Variants in LRRTM4 observed in about 807,000 individuals in gnomAD.
The protein encoded by LRRTM4 is leucine rich repeat transmembrane neuronal 4, also known as leucine-rich repeat transmembrane neuronal protein 4.
A neutral mutation model predicts 47.6 loss-of-function variants in LRRTM4; 25 were observed. The ratio of observed to expected loss-of-function variants is 0.53; its 90% confidence interval spans 0.38 to 0.73. The LOEUF is 0.73. LRRTM4 is among the 30% of genes least tolerant of loss of function. The pLI is 0.00. For missense variants in LRRTM4, 638 were observed against 713.4 expected, an observed-to-expected ratio of 0.89 and a Z score of 1.20; for synonymous variants, 311 against 269.5, an observed-to-expected ratio of 1.15 and a Z score of -1.51.
intron 3 of LRRTM4, among the ~76,000 whole-genome samples, chr2:77,395,140 T>G (rs960321558): frequency 1.3e-5 from 2 of 151,906 alleles, no homozygotes; most frequent in African/African-American, 4.8e-5. Flanking sequence ...TCTATCAGTC[T>G]TATGATCTCT....
intron 3 of LRRTM4, among the ~76,000 whole-genome samples, chr2:76,960,969 AATTT>A (rs1239065589): frequency 6.6e-6 from 1 of 151,558 alleles, no homozygotes; most frequent in Non-Finnish European, 1.5e-5. Context: ...ACTACAAGAT[AATTT>A]ATTTTTTCAA....
chr2:77,432,939 T>C (rs1356541208), intron 3 of LRRTM4, among the ~76,000 whole-genome samples: 1 of 152,228 alleles, frequency 6.6e-6, no homozygotes, highest in East Asian at 1.9e-4. Context: ...CAAGGCATTC[T>C]CCAAACTGTC....
chr2:77,131,819 G>A (rs552922726), intron 3 of LRRTM4, among the ~76,000 whole-genome samples: 1 of 152,238 alleles, frequency 6.6e-6, no homozygotes, highest in South Asian at 2.1e-4. Flanking sequence ...GTCTTACTCT[G>A]TTTGAGCTGC....
At chr2:76,991,454 A>C (rs2103993638) in intron 3 of LRRTM4, among the ~76,000 whole-genome samples, 1 of 151,852 alleles carries the variant, frequency 6.6e-6, no homozygotes. Flanking sequence ...AGGTGACATT[A>C]CAACTTATGT....
In LRRTM4 at chr2:77,261,314, C is replaced by T. The variant is rs373871497; in HGVS notation, c.1551+257004G>A. On this transcript the variant is annotated intron_variant, in intron 3 of 3. Transcript: ENST00000409884. The stretch of plus-strand genomic sequence containing the variant: ...TTCCCAGTCCTCTCACAGCTAGACA[C>T]GGTCATATATGCTCTAGTCAATGGG... Among the ~76,000 whole-genome samples, 37 of 152,204 alleles carry T rather than the reference C, an allele frequency of 2.4e-4. 1 individual carries two copies. The highest frequency in any genetic ancestry group is 5.8e-4 in the African/African-American group (24 of 41,562).
chr2:76,790,322 T>A (rs1246689616), intron 3 of LRRTM4, among the ~76,000 whole-genome samples: 2 of 152,164 alleles, frequency 1.3e-5, no homozygotes, highest in Non-Finnish European at 2.9e-5. Flanking sequence ...CTGAGGGATT[T>A]TTTTTTGCCT....
chr2:76,941,244 T>G (rs1042806765), intron 3 of LRRTM4, among the ~76,000 whole-genome samples: 1 of 152,182 alleles, frequency 6.6e-6, no homozygotes, highest in East Asian at 1.9e-4. Context: ...CATATTATAT[T>G]TTATATATTG....
Position 76,748,465 on chromosome 2 carries a change from TTA to T in LRRTM4, c.*228_*229del. The T allele has an allele frequency of 1.8e-6, 1 of 555,486 alleles. No homozygotes were observed. The allele number at this position is 555,486 out of a possible 1,614,324, so 34.4% of individuals were successfully genotyped here. ...ACATCCGGGAGCATTTTTGTTTGTT[TTA>T]TGTTTTAAAGCAAAGAAAGTTCTGC... On this transcript the variant is annotated 3_prime_UTR_variant, in exon 4 of 4. Coordinates refer to ENST00000409884, the MANE Select transcript of LRRTM4 (RefSeq NM_001134745.3).
chr2:77,171,261 G>A (rs1194342693), intron 3 of LRRTM4, among the ~76,000 whole-genome samples: 2 of 151,670 alleles, frequency 1.3e-5, no homozygotes, highest in Admixed American at 6.6e-5. Context: ...TTTTTCTGTT[G>A]TTGTTTGTTT....
At chr2:77,293,708 AT>A (rs1304994310) in intron 3 of LRRTM4, among the ~76,000 whole-genome samples, 1 of 152,108 alleles carries the variant, frequency 6.6e-6, no homozygotes, top group Admixed American at 6.6e-5. Context: ...GAGGAATATA[AT>A]TTTCAATCCC....
At chr2:77,035,051 T>A (rs1279891826) in intron 3 of LRRTM4, among the ~76,000 whole-genome samples, 1 of 151,444 alleles carries the variant, frequency 6.6e-6, no homozygotes, top group African/African-American at 2.4e-5. Context: ...ATTTTTATTA[T>A]TTTTTTTCTT....
At chr2:76,956,915 A>G (rs1675693574) in intron 3 of LRRTM4, among the ~76,000 whole-genome samples, 1 of 151,550 alleles carries the variant, frequency 6.6e-6, no homozygotes, top group South Asian at 2.1e-4. Context: ...CAGACTTATA[A>G]CTAGTAAGAA....
intron 3 of LRRTM4, among the ~76,000 whole-genome samples, chr2:77,423,241 A>T (rs1674973508): frequency 6.6e-6 from 1 of 152,152 alleles, no homozygotes; most frequent in Non-Finnish European, 1.5e-5. Flanking sequence ...ATACTGAAAT[A>T]AATACTTTTT....
At chr2:76,946,933 G>A (rs1277258840) in intron 3 of LRRTM4, among the ~76,000 whole-genome samples, 1 of 151,896 alleles carries the variant, frequency 6.6e-6, no homozygotes, top group Non-Finnish European at 1.5e-5. Context: ...CAGCTGGACA[G>A]AAGGAAGAAA....
At chr2:76,960,130 A>C (rs1675805777) in intron 3 of LRRTM4, among the ~76,000 whole-genome samples, 1 of 151,666 alleles carries the variant, frequency 6.6e-6, no homozygotes, top group Non-Finnish European at 1.5e-5. Context: ...CCATCATCCT[A>C]ATTACCAAAC....
rs1673830097 is a variant in LRRTM4, at chr2:77,196,484, A to G, written c.1551+321834T>C. 3.9e-5 allele frequency among the ~76,000 whole-genome samples: 6 copies of G among 152,134 alleles called. No individual in the cohort carries two copies. The South Asian group carries it at 1.2e-3, about 32-fold the overall frequency. ...CACCATGGCTCATGCCTGTAATCCC[A>G]TGTAATCCCAGCACTGTGGGAGGTG... is the stretch of plus-strand genomic sequence containing the variant. On this transcript the variant is annotated intron_variant, in intron 3 of 3. Transcript: ENST00000409884.
intron 3 of LRRTM4, among the ~76,000 whole-genome samples, chr2:77,215,132 T>C (rs1674400654): frequency 6.6e-6 from 1 of 152,194 alleles, no homozygotes; most frequent in Non-Finnish European, 1.5e-5. Context: ...ATTTTAAGAA[T>C]AATCTTTCTT....
intron 3 of LRRTM4, among the ~76,000 whole-genome samples, chr2:77,135,042 T>C (rs900297864): frequency 2.6e-5 from 4 of 152,244 alleles, no homozygotes; most frequent in East Asian, 3.9e-4. Flanking sequence ...AAATCATGAA[T>C]TGACTCTGAA....
intron 3 of LRRTM4, among the ~76,000 whole-genome samples, chr2:77,299,504 CAGA>C (rs1677070127): frequency 1.3e-5 from 2 of 152,000 alleles, no homozygotes; most frequent in African/African-American, 4.8e-5. Flanking sequence ...AAATAATTCC[CAGA>C]AGATTTCTGA....
Sources: gnomAD v4.1 joint callset for allele counts (sites outside exome capture counted in the v4.1 genomes callset) on GRCh38, gnomAD v4.1.1 for gene constraint, MANE v1.5 for transcripts, NCBI Gene and HGNC (gene_info 2026-07-23, HGNC 2026-07-21) for gene names.